Variants in ADGRG6 observed in about 807,000 individuals in gnomAD.
ADGRG6 encodes the protein adhesion G protein-coupled receptor G6.
ADGRG6 carries 84 observed loss-of-function variants against 142.4 expected under a neutral mutation model. That is an observed-to-expected ratio of 0.59 (90% CI 0.49 to 0.71). The LOEUF is 0.71. Among genes scored for constraint, ADGRG6 ranks in the 30% least tolerant of loss-of-function variants. ADGRG6 has a pLI of 0.00. For synonymous variants in ADGRG6, 521 were observed against 520.5 expected, an observed-to-expected ratio of 1.00 and a Z score of -0.01; for missense variants, 1,367 against 1,466.6, an observed-to-expected ratio of 0.93 and a Z score of 1.11.
chr6:142,352,961 T>G (rs933785595), intron 2 of ADGRG6, among the ~76,000 whole-genome samples: 6 of 152,126 alleles, frequency 3.9e-5, no homozygotes, highest in African/African-American at 1.4e-4. Flanking sequence ...ATCTCCTCCC[T>G]CTCCTTTCTC....
chr6:142,396,723 A>T (rs1775215990), intron 9 of ADGRG6, among the ~76,000 whole-genome samples: 1 of 152,094 alleles, frequency 6.6e-6, no homozygotes, highest in Admixed American at 6.6e-5. Context: ...AGAAGAAACA[A>T]TTTTTTTGTG....
rs535126664 is a variant in ADGRG6 at position 142,359,419 on chromosome 6, C to T, written c.104-8150C>T. ...ACACGATGCTCCAGCTGAACTAAAT[C>T]TTAAGTTACTTGAACAGTCTATGCT... On this transcript the variant is annotated intron_variant, in intron 2 of 24. Transcript: ENST00000367609. Among the ~76,000 whole-genome samples, 4 of 152,198 alleles carry T rather than the reference C, an allele frequency of 2.6e-5. No homozygotes were observed. The East Asian group carries it at 7.7e-4, about 29-fold the overall frequency.
intron 2 of ADGRG6, among the ~76,000 whole-genome samples, chr6:142,318,367 A>ATATATTATATATATTTATAT (rs1778340437): frequency 5.9e-5 from 6 of 101,802 alleles, no homozygotes; most frequent in African/African-American, 2.4e-4. Flanking sequence ...TATAATATTT[A>ATATATTATATATATTTATAT]TATATATTTA....
At chr6:142,343,762 A>G (rs965604280) in intron 2 of ADGRG6, among the ~76,000 whole-genome samples, 1 of 151,962 alleles carries the variant, frequency 6.6e-6, no homozygotes, top group Non-Finnish European at 1.5e-5. Context: ...ATCAAAAGCC[A>G]ATTGTGCAGT....
chr6:142,411,884 G>A (rs541681731), intron 18 of ADGRG6, among the ~76,000 whole-genome samples: 9 of 152,176 alleles, frequency 5.9e-5, no homozygotes, highest in African/African-American at 1.4e-4. Flanking sequence ...GTACTGCACC[G>A]AGTGATCTCC....
At chr6:142,323,686 AT>A (rs1467960872) in intron 2 of ADGRG6, among the ~76,000 whole-genome samples, 1 of 152,110 alleles carries the variant, frequency 6.6e-6, no homozygotes, top group Non-Finnish European at 1.5e-5. Flanking sequence ...GGTATAGCCT[AT>A]TACTTCTAGG....
chr6:142,316,936 A>G (rs1025658123), intron 2 of ADGRG6, among the ~76,000 whole-genome samples: 5 of 152,102 alleles, frequency 3.3e-5, no homozygotes, highest in African/African-American at 1.2e-4. Flanking sequence ...TCAGAGGTCA[A>G]TATTAGTGTT....
intron 2 of ADGRG6, among the ~76,000 whole-genome samples, chr6:142,322,862 C>T (rs1439136545): frequency 2.0e-5 from 3 of 152,022 alleles, no homozygotes; most frequent in African/African-American, 7.3e-5. Context: ...GTGAAAAACT[C>T]CACAAATCTT....
In ADGRG6 at chr6:142,416,064, G is replaced by A. The variant is rs1222364508; in HGVS notation, c.2938G>A (p.Gly980Ser). Residue 980 changes from glycine (G) to serine (S), a missense_variant and splice_region_variant, in exon 20 of 25, where the codon GGT (glycine) becomes AGT (serine). Physicochemically the swap from Gly to Ser is moderately conservative, Grantham distance 56. Around this residue, in one of 3 missense-constraint regions of ADGRG6, gnomAD observed 344 missense variants for 348.7 expected, o/e 0.99. Transcript: ENST00000367609. ...TCTAAAATTCTGCATCATTGGCTGG[G>A]GTAAGCCTCTTAAAATTTTTTTGGT... ...YILKFCIIGW[G>S]LPALVVSVVL... The A allele has an allele frequency of 1.9e-6, 3 of 1,590,342 alleles. No homozygotes were observed. Among genetic ancestry groups the A allele is most frequent in the Non-Finnish European group, 2.6e-6 (3 of 1,167,042 alleles).
chr6:142,315,005 T>TGTGTGTGTGTGTGTGTGTG (rs1554229843), intron 2 of ADGRG6, among the ~76,000 whole-genome samples: 1 of 150,658 alleles, frequency 6.6e-6, no homozygotes, highest in African/African-American at 2.5e-5. Context: ...TGTGTGTGTG[T>TGTGTGTGTGTGTGTGTGTG]TATACAGTCT....
chr6:142,420,198 G>T, intron 22 of ADGRG6, 94 bp downstream of exon 22: 2 of 956,064 alleles, frequency 2.1e-6, no homozygotes, highest in Non-Finnish European at 3.2e-6. Context: ...TTAAGTTTCT[G>T]TGTCACTATT....
chr6:142,367,488 C>A, intron 2 of ADGRG6, 81 bp from the exon 3 acceptor site: 1 of 848,396 alleles, frequency 1.2e-6, no homozygotes, highest in Non-Finnish European at 1.8e-6. Context: ...GCTTGATTGT[C>A]GCCAGTGTGT....
chr6:142,335,796 G>A (rs1779281562), intron 2 of ADGRG6, among the ~76,000 whole-genome samples: 1 of 152,010 alleles, frequency 6.6e-6, no homozygotes, highest in Non-Finnish European at 1.5e-5. Context: ...AGAAGAAGGT[G>A]TTATAGACTA....
At position 142,367,910 on chromosome 6, in the gene ADGRG6, G is replaced by A. The variant is rs1781031209; in HGVS notation, c.445G>A (p.Val149Ile). ...KKGFNASYIR[V>I]AVSLRNQKVI... The stretch of plus-strand genomic sequence containing the variant: ...AGGTTTCAATGCCAGCTACATCAGA[G>A]GTATGTAAACCAAAGGCAACGCCAA... The change falls in exon 3 of 25, where the codon GTT becomes ATT. Residue 149 changes from valine to isoleucine, a missense_variant and splice_region_variant. Val to Ile is a conservative substitution (Grantham distance 29). Around this residue, in one of 3 missense-constraint regions of ADGRG6, gnomAD observed 737 missense variants for 746.5 expected, o/e 0.99. Coordinates refer to ENST00000367609, the MANE Select transcript of ADGRG6 (RefSeq NM_198569.3). 1 of 1,587,060 alleles carries A rather than the reference G, an allele frequency of 6.3e-7. No homozygotes were observed. Among genetic ancestry groups the A allele is most frequent in the African/African-American group, 1.3e-5 (1 of 74,208 alleles).
chr6:142,439,336 T>G (rs1380605711), intron 24 of ADGRG6, among the ~76,000 whole-genome samples: 1 of 152,230 alleles, frequency 6.6e-6, no homozygotes, highest in Non-Finnish European at 1.5e-5. Context: ...TGGAAATAAC[T>G]TTTAAATTTT....
Position 142,402,837 on chromosome 6 carries a change from A to AT in ADGRG6, c.1955+17dup, listed in dbSNP as rs200507974. ...TGCTTGAGTCATCTTCTGAGTAAGT[A>AT]TTTTTTTTTTCCTGGAGAGTAAATT... On this transcript the variant is annotated splice_region_variant and intron_variant, in intron 13 of 24. Coordinates refer to ENST00000367609, the MANE Select transcript of ADGRG6 (RefSeq NM_198569.3). 4.0e-3 allele frequency: 5,370 copies of AT among 1,348,920 alleles called. No individual in the cohort carries two copies. Among genetic ancestry groups the AT allele is most frequent in the Middle Eastern group, 5.4e-3 (20 of 3,732 alleles). 83.6% of individuals were successfully genotyped at this position (1,348,920 alleles called of 1,614,324 possible).
chr6:142,332,874 G>GAA (rs1779125930), intron 2 of ADGRG6, among the ~76,000 whole-genome samples: 3 of 152,136 alleles, frequency 2.0e-5, no homozygotes, highest in Middle Eastern at 3.2e-3. Context: ...TCCAGGTAAG[G>GAA]GCTTCTGTCA....
intron 6 of ADGRG6, among the ~76,000 whole-genome samples, chr6:142,384,941 A>G (rs897715826): frequency 1.3e-5 from 2 of 152,106 alleles, no homozygotes; most frequent in Admixed American, 1.3e-4. Context: ...GAGATTTATG[A>G]TGGAGCAAAA....
chr6:142,445,886 C>T lies in ADGRG6; in HGVS notation c.*2371C>T, dbSNP rs1777951157. On this transcript the variant is annotated 3_prime_UTR_variant, in exon 25 of 25. Coordinates refer to ENST00000367609, the MANE Select transcript of ADGRG6 (RefSeq NM_198569.3). ...AACTACATTGTGTTAGAGTCATAGT[C>T]TAGGATCCTGAGAGATTTTCCATTC... 3.3e-5 allele frequency: 5 copies of T among 152,226 alleles called. No homozygotes were observed. The highest frequency in any genetic ancestry group is 2.6e-4 in the Admixed American group (4 of 15,280). The allele number at this position is 152,226 out of a possible 1,614,324, so 9.4% of individuals were successfully genotyped here. A position where few individuals can be genotyped will look rare whatever the true frequency, so the allele number is the denominator to read the frequency against.
Sources: gnomAD v4.1 joint callset for allele counts (sites outside exome capture counted in the v4.1 genomes callset) on GRCh38, gnomAD v4.1.1 for gene constraint, gnomAD v4.1.1 regional missense constraint, MANE v1.5 for transcripts, NCBI Gene and HGNC (gene_info 2026-07-23, HGNC 2026-07-21) for gene names.